TRAK1: variants seen among roughly 807,000 people sequenced by gnomAD.
The protein encoded by TRAK1 is trafficking kinesin-binding protein 1.
A neutral mutation model predicts 92.1 loss-of-function variants in TRAK1; 33 were observed. The observed-to-expected ratio is 0.36, with a 90% confidence interval of 0.27 to 0.48. The LOEUF (loss-of-function observed/expected upper bound fraction) is 0.48. TRAK1 is among the 20% of genes least tolerant of loss of function. The pLI is 0.99. For missense variants in TRAK1, 1,123 were observed against 1,257.9 expected, an observed-to-expected ratio of 0.89 and a Z score of 1.62; for synonymous variants, 521 against 517.3, an observed-to-expected ratio of 1.01 and a Z score of -0.10.
At chr3:42,021,812 A>T (rs560845695) in intron 1 of TRAK1, among the ~76,000 whole-genome samples, 1 of 152,094 alleles carries the variant, frequency 6.6e-6, no homozygotes, top group Non-Finnish European at 1.5e-5. Context: ...CTGGTCAGTT[A>T]TCCACCTGCC....
intron 1 of TRAK1, among the ~76,000 whole-genome samples, chr3:42,044,461 C>T (rs1702680688): frequency 1.3e-5 from 2 of 152,192 alleles, no homozygotes; most frequent in Non-Finnish European, 2.9e-5. Context: ...TGTGCCTAGC[C>T]CATTGTATTT....
At chr3:42,170,741 CTG>C (rs1702435891) in intron 2 of TRAK1, among the ~76,000 whole-genome samples, 1 of 151,880 alleles carries the variant, frequency 6.6e-6, no homozygotes. Context: ...TTGGGAAACA[CTG>C]TTTTAATTAA....
chr3:42,079,789 C>CT (rs907722852), intron 1 of TRAK1, among the ~76,000 whole-genome samples: 55 of 150,928 alleles, frequency 3.6e-4, no homozygotes, highest in South Asian at 1.9e-3. Flanking sequence ...CTGGAAGCTC[C>CT]TTTTTTTTTG....
chr3:42,081,068 G>T (rs1704410856), intron 1 of TRAK1, among the ~76,000 whole-genome samples: 1 of 152,016 alleles, frequency 6.6e-6, no homozygotes, highest in Non-Finnish European at 1.5e-5. Context: ...GTAGAGTTAG[G>T]GTTCCACCAT....
At chr3:42,203,955 G>A in intron 13 of TRAK1, 1 of 985,838 alleles carries the variant, frequency 1.0e-6, no homozygotes, top group Non-Finnish European at 1.2e-6. Flanking sequence ...ATAAGGTAAG[G>A]TTGTGCTTGT....
Position 42,183,553 on chromosome 3 carries a change from T to TAAAAAAAAAAA in TRAK1, c.364-1124_364-1114dup, listed in dbSNP as rs11293523. On this transcript the variant is annotated intron_variant, in intron 3 of 15. Coordinates refer to ENST00000327628, the MANE Select transcript of TRAK1 (RefSeq NM_001042646.3). ...CTGGGTGACAGAGTGAGACTCTGTCTAAAAAAAAAAAAAAAAAAGAAAGAA... is the reference window on the plus strand; with the variant it reads ...CTGGGTGACAGAGTGAGACTCTGTCTAAAAAAAAAAAAAAAAAAAAAAAAAAAAAGAAAGAA... Among the ~76,000 whole-genome samples, 87 of 117,246 alleles carry TAAAAAAAAAAA rather than the reference T, an allele frequency of 7.4e-4. 1 individual carries two copies. The highest frequency in any genetic ancestry group is 5.1e-3 in the Middle Eastern group (1 of 198). The allele number at this position is 117,246 out of a possible 152,430, so 76.9% of individuals were successfully genotyped here. A position where few individuals can be genotyped will look rare whatever the true frequency, so the allele number is the denominator to read the frequency against.
chr3:42,109,075 A>G (rs948881195), intron 1 of TRAK1, among the ~76,000 whole-genome samples: 4 of 152,112 alleles, frequency 2.6e-5, no homozygotes, highest in Non-Finnish European at 5.9e-5. Context: ...AAACCGGTTC[A>G]CTATTTACAG....
At chr3:42,183,280 G>A (rs935605754) in intron 3 of TRAK1, among the ~76,000 whole-genome samples, 5 of 152,122 alleles carry the variant, frequency 3.3e-5, no homozygotes, top group Admixed American at 2.6e-4. Flanking sequence ...TGTTGGCCTG[G>A]CGCAGTGGTT....
chr3:42,211,971 G>C, intron 14 of TRAK1: 6 of 985,428 alleles, frequency 6.1e-6, no homozygotes, highest in Non-Finnish European at 7.2e-6. Flanking sequence ...TCATTTAGAT[G>C]AGAGTTCTTT....
At chr3:42,169,725 C>G (rs1172385971) in intron 2 of TRAK1, among the ~76,000 whole-genome samples, 1 of 151,800 alleles carries the variant, frequency 6.6e-6, no homozygotes, top group African/African-American at 2.4e-5. Flanking sequence ...AGCACTGTAT[C>G]TGGCAGAGAT....
intron 1 of TRAK1, among the ~76,000 whole-genome samples, chr3:42,070,777 G>A (rs1284124108): frequency 6.6e-6 from 1 of 152,194 alleles, no homozygotes; most frequent in Non-Finnish European, 1.5e-5. Context: ...AGTAGCTTGT[G>A]CCTGCTGGTT....
chr3:42,048,834 GGATTACA>G (rs1702865576), intron 1 of TRAK1, among the ~76,000 whole-genome samples: 1 of 151,634 alleles, frequency 6.6e-6, no homozygotes. Flanking sequence ...CAAAGTGCTG[GGATTACA>G]GATGTGAGCC....
intron 14 of TRAK1, among the ~76,000 whole-genome samples, chr3:42,214,298 G>A (rs1330513634): frequency 1.3e-5 from 2 of 152,192 alleles, no homozygotes; most frequent in Non-Finnish European, 2.9e-5. Context: ...AAGCACAGGT[G>A]AAGTGCTCTC....
At chr3:42,138,876 G>GTGTGTGTGTGTGTGTGTGTGT (rs1553730371) in intron 2 of TRAK1, among the ~76,000 whole-genome samples, 1 of 118,774 alleles carries the variant, frequency 8.4e-6, no homozygotes, top group South Asian at 2.7e-4. Flanking sequence ...AAGCATAGGG[G>GTGTGTGTGTGTGTGTGTGTGT]GTGTGTGTGT....
chr3:42,142,265 C>T (rs1489554033), intron 2 of TRAK1, among the ~76,000 whole-genome samples: 3 of 152,228 alleles, frequency 2.0e-5, no homozygotes, highest in African/African-American at 7.2e-5. Flanking sequence ...CCTGAAATTA[C>T]AGATTATTTA....
In TRAK1 at chr3:42,224,258, G is replaced by C; in HGVS notation, c.*521G>C. 3.0e-5 allele frequency: 10 copies of C among 337,056 alleles called. No homozygotes were observed. The highest frequency in any genetic ancestry group is 2.2e-4 in the South Asian group (10 of 44,640). The allele number at this position is 337,056 out of a possible 1,614,324, so 20.9% of individuals were successfully genotyped here. A position where few individuals can be genotyped will look rare whatever the true frequency, so the allele number is the denominator to read the frequency against. ...TGCAGCTGACGTGGCTTTCCTGATC[G>C]GAGGGCTTTTCTTTTATGGGTGGCC... is the stretch of plus-strand genomic sequence containing the variant. On this transcript the variant is annotated 3_prime_UTR_variant, in exon 16 of 16. Transcript: ENST00000327628.
At chr3:42,139,653 A>G (rs1290144940) in intron 2 of TRAK1, among the ~76,000 whole-genome samples, 1 of 152,136 alleles carries the variant, frequency 6.6e-6, no homozygotes, top group African/African-American at 2.4e-5. Context: ...ATTTTTTGTC[A>G]TCAAACCCGA....
chr3:42,033,027 A>G (rs1702207781), intron 1 of TRAK1, among the ~76,000 whole-genome samples: 1 of 152,198 alleles, frequency 6.6e-6, no homozygotes, highest in Non-Finnish European at 1.5e-5. Context: ...ATTCTAGGCC[A>G]GTGTTTCCTT....
intron 14 of TRAK1, 162 bp from the exon 15 acceptor site, chr3:42,219,332 C>T: frequency 1.0e-6 from 1 of 985,308 alleles, no homozygotes; most frequent in Non-Finnish European, 1.2e-6. Context: ...TTTTTGAGGA[C>T]TCGCCTTCAA....
Sources: gnomAD v4.1 joint callset for allele counts (sites outside exome capture counted in the v4.1 genomes callset) on GRCh38, gnomAD v4.1.1 for gene constraint, MANE v1.5 for transcripts, NCBI Gene and HGNC (gene_info 2026-07-23, HGNC 2026-07-21) for gene names.